NRXN1: variants seen among roughly 807,000 people sequenced by gnomAD.
The protein encoded by NRXN1 is neurexin-1.
Under a neutral mutation model 150.9 loss-of-function variants are expected in NRXN1, and 39 were observed. The observed-to-expected ratio is 0.26, with a 90% CI of 0.20 to 0.34. The LOEUF (loss-of-function observed/expected upper bound fraction) is 0.34. NRXN1 is among the 10% of genes least tolerant of loss of function. The probability of loss-of-function intolerance (pLI) is 1.00; values close to 1 mark genes in which losing one functional copy is unlikely to be tolerated. For missense variants in NRXN1, 1,815 were observed against 1,949.9 expected (o/e 0.93, Z 1.30); for synonymous variants, 924 against 757.0 (o/e 1.22, Z -3.62).
At chr2:50,445,898 A>G (rs1198097811) in intron 17 of NRXN1, among the ~76,000 whole-genome samples, 1 of 152,118 alleles carries the variant, frequency 6.6e-6, no homozygotes, top group African/African-American at 2.4e-5. Flanking sequence ...CCTCCTCTCC[A>G]TTGCTTTTCT....
intron 17 of NRXN1, among the ~76,000 whole-genome samples, chr2:50,292,144 T>A (rs2073003369): frequency 6.6e-6 from 1 of 152,200 alleles, no homozygotes; most frequent in African/African-American, 2.4e-5. Context: ...TTTGCATTGC[T>A]ATTAGTAAAG....
intron 21 of NRXN1, among the ~76,000 whole-genome samples, chr2:49,952,206 T>C (rs1674092685): frequency 6.6e-6 from 1 of 152,002 alleles, no homozygotes; most frequent in Non-Finnish European, 1.5e-5. Context: ...TCCCAAACCA[T>C]CTTGTTCTCT....
chr2:50,855,136 T>C (rs530897762), intron 5 of NRXN1, among the ~76,000 whole-genome samples: 3 of 152,002 alleles, frequency 2.0e-5, no homozygotes, highest in African/African-American at 7.2e-5. Flanking sequence ...GGGTGGAGTG[T>C]GGGAGGTGGT....
intron 2 of NRXN1, among the ~76,000 whole-genome samples, chr2:50,964,385 A>C (rs1485958860): frequency 6.6e-6 from 1 of 151,560 alleles, no homozygotes; most frequent in African/African-American, 2.4e-5. Flanking sequence ...TAGCATAGAA[A>C]ATCTGCATTC....
chr2:50,559,934 T>C (rs535150736), intron 8 of NRXN1, among the ~76,000 whole-genome samples: 2 of 152,156 alleles, frequency 1.3e-5, no homozygotes, highest in Non-Finnish European at 2.9e-5. Flanking sequence ...TTTTAGCACA[T>C]ATAAAGTTGG....
chr2:50,470,229 C>A (rs760369887), intron 16 of NRXN1, among the ~76,000 whole-genome samples: 8 of 151,590 alleles, frequency 5.3e-5, no homozygotes, highest in Non-Finnish European at 1.0e-4. Flanking sequence ...GAGATCACCT[C>A]CAAGAATTAT....
At chr2:50,753,020 A>G (rs1280169125) in intron 5 of NRXN1, among the ~76,000 whole-genome samples, 1 of 151,932 alleles carries the variant, frequency 6.6e-6, no homozygotes, top group Non-Finnish European at 1.5e-5. Flanking sequence ...GAATCCTATT[A>G]ACACTTACAT....
intron 18 of NRXN1, among the ~76,000 whole-genome samples, chr2:50,204,068 C>G (rs1307424742): frequency 1.3e-5 from 2 of 151,914 alleles, no homozygotes; most frequent in Non-Finnish European, 2.9e-5. Context: ...TAAAATGAAC[C>G]TAAAATAAAC....
At chr2:50,773,993 G>A (rs1703311792) in intron 5 of NRXN1, among the ~76,000 whole-genome samples, 3 of 152,044 alleles carry the variant, frequency 2.0e-5, no homozygotes, top group Non-Finnish European at 2.9e-5. Context: ...ACCCCCACAC[G>A]ACCCGGATGC....
intron 5 of NRXN1, among the ~76,000 whole-genome samples, chr2:50,888,360 G>C (rs1308988412): frequency 1.3e-5 from 2 of 151,558 alleles, no homozygotes; most frequent in Non-Finnish European, 3.0e-5. Flanking sequence ...TCTTCCAACT[G>C]ATTTCATGTT....
At chr2:50,203,108 G>C (rs1344821826) in intron 18 of NRXN1, among the ~76,000 whole-genome samples, 1 of 152,112 alleles carries the variant, frequency 6.6e-6, no homozygotes. Flanking sequence ...TCGTACTGCA[G>C]GTGAAGAGCT....
intron 17 of NRXN1, among the ~76,000 whole-genome samples, chr2:50,281,580 G>C (rs1213833779): frequency 6.6e-6 from 1 of 151,934 alleles, no homozygotes; most frequent in Non-Finnish European, 1.5e-5. Context: ...ATGAGATACT[G>C]TTATTATTAA....
chr2:51,000,229 A>AATGT (rs1243027381), intron 2 of NRXN1, among the ~76,000 whole-genome samples: 1 of 151,956 alleles, frequency 6.6e-6, no homozygotes, highest in Non-Finnish European at 1.5e-5. Context: ...CAGAAGACTG[A>AATGT]ATGTGTTCAC....
In NRXN1 at chr2:50,551,044, G is replaced by GAAGAAGAAGAA. The variant is rs1491286570; in HGVS notation, c.1759+1542_1759+1543insTTCTTCTTCTT. On this transcript the variant is annotated intron_variant, in intron 9 of 22. Transcript: ENST00000401669. ...AGGAAGAGGAAGAGGAAGAGGAAGA[G>GAAGAAGAAGAA]GAAGAGGAAGAAGAAGAAGAAGAAG... 1.1e-4 allele frequency among the ~76,000 whole-genome samples: 7 copies of GAAGAAGAAGAA among 66,168 alleles called. 1 individual carries two copies. The highest frequency in any genetic ancestry group is 2.5e-4 in the African/African-American group (3 of 11,926). 43.4% of individuals were successfully genotyped at this position (66,168 alleles called of 152,430 possible). A position where few individuals can be genotyped will look rare whatever the true frequency, so the allele number is the denominator to read the frequency against.
At chr2:50,024,455 A>G (rs551101317) in intron 21 of NRXN1, among the ~76,000 whole-genome samples, 7 of 152,200 alleles carry the variant, frequency 4.6e-5, no homozygotes, top group Non-Finnish European at 1.0e-4. Flanking sequence ...ACATTACAAT[A>G]TATGTGCTAT....
At chr2:50,278,520 G>A (rs4032051) in intron 17 of NRXN1, among the ~76,000 whole-genome samples, 66,182 of 149,764 alleles carry the variant, frequency 0.44, 14,974 homozygotes, top group Middle Eastern at 0.48. Context: ...GAAACCGTTT[G>A]AATTGGGTCC....
intron 2 of NRXN1, among the ~76,000 whole-genome samples, chr2:50,953,393 A>G (rs1691722719): frequency 6.6e-6 from 1 of 152,204 alleles, no homozygotes. Flanking sequence ...CACTATTTTA[A>G]GAGTTGTGCT....
chr2:50,469,087 A>T (rs1248178317), intron 16 of NRXN1, among the ~76,000 whole-genome samples: 1 of 151,632 alleles, frequency 6.6e-6, no homozygotes, highest in Non-Finnish European at 1.5e-5. Flanking sequence ...TATGGTCTCC[A>T]GTATAACAGC....
chr2:50,224,693 A>AAGAGAGAGAGAG (rs201700032), intron 18 of NRXN1, among the ~76,000 whole-genome samples: 45 of 130,500 alleles, frequency 3.4e-4, no homozygotes, highest in Middle Eastern at 8.0e-3. Flanking sequence ...GAGAGGGAGA[A>AAGAGAGAGAGAG]AGAGAGAGAG....
Sources: allele counts gnomAD v4.1 joint callset (sites outside exome capture counted in the v4.1 genomes callset), GRCh38; gene constraint gnomAD v4.1.1; transcripts MANE v1.5; gene names NCBI Gene and HGNC (gene_info 2026-07-23, HGNC 2026-07-21).